Variants in DPYSL5 observed in about 807,000 individuals in gnomAD.
DPYSL5 encodes dihydropyrimidinase-related protein 5.
DPYSL5 carries 9 observed loss-of-function variants against 58.4 expected under a neutral mutation model. The observed-to-expected ratio is 0.15, with a 90% CI of 0.09 to 0.27. The LOEUF is 0.27. Ranked by LOEUF, DPYSL5 falls within the 10% of genes least tolerant of loss-of-function variation. DPYSL5 has a pLI of 1.00. For synonymous variants in DPYSL5, 293 were observed against 301.9 expected, an observed-to-expected ratio of 0.97 and a Z score of 0.31; for missense variants, 499 against 770.6, an observed-to-expected ratio of 0.65 and a Z score of 4.17.
intron 2 of DPYSL5, among the ~76,000 whole-genome samples, chr2:26,899,756 C>T (rs372810074): frequency 3.9e-5 from 6 of 152,178 alleles, no homozygotes; most frequent in Non-Finnish European, 8.8e-5. Context: ...AGCCATTGCC[C>T]GACTGTGCCA....
intron 9 of DPYSL5, among the ~76,000 whole-genome samples, chr2:26,940,458 T>C (rs959555702): frequency 1.3e-5 from 2 of 151,596 alleles, no homozygotes; most frequent in South Asian, 4.2e-4. Context: ...ACTATTAACA[T>C]TTTAATATAT....
At chr2:26,871,959 C>T (rs987876094) in intron 1 of DPYSL5, among the ~76,000 whole-genome samples, 1 of 152,158 alleles carries the variant, frequency 6.6e-6, no homozygotes, top group East Asian at 1.9e-4. Context: ...CTTGGTCTTT[C>T]CTTTGCTAAA....
At position 26,947,186 on chromosome 2, in the gene DPYSL5, T is replaced by C. The variant is rs538186644; in HGVS notation, c.*191T>C. On this transcript the variant is annotated 3_prime_UTR_variant, in exon 13 of 13. Transcript: ENST00000288699. This position sits in a 1 kb window ranked among gnomAD's most constrained non-coding sequence, Gnocchi z 4.2. ...TTCGAGCCAACTCTAACAGGCACTT[T>C]GAGATGTGTTCCTCCTGCTGTAGTC... 33 of 569,190 alleles carry C rather than the reference T, an allele frequency of 5.8e-5. 1 individual carries two copies. Among genetic ancestry groups the C allele is most frequent in the Non-Finnish European group, 9.8e-5 (31 of 315,446 alleles). 35.3% of individuals were successfully genotyped at this position (569,190 alleles called of 1,614,324 possible). A position where few individuals can be genotyped will look rare whatever the true frequency, so the allele number is the denominator to read the frequency against.
intron 12 of DPYSL5, among the ~76,000 whole-genome samples, chr2:26,945,758 G>T (rs116240744): frequency 6.6e-6 from 1 of 152,188 alleles, no homozygotes; most frequent in African/African-American, 2.4e-5. Flanking sequence ...GGCGAGAGGC[G>T]CAAGACCCTG....
chr2:26,853,094 G>A (rs1665796026), intron 1 of DPYSL5, among the ~76,000 whole-genome samples: 1 of 152,186 alleles, frequency 6.6e-6, no homozygotes, highest in African/African-American at 2.4e-5. Context: ...GCTCTCTGTG[G>A]AGTCTGTTTC....
chr2:26,879,573 T>C (rs541824572), intron 1 of DPYSL5, among the ~76,000 whole-genome samples: 1 of 152,112 alleles, frequency 6.6e-6, no homozygotes, highest in Non-Finnish European at 1.5e-5. Flanking sequence ...CTCCACGTCA[T>C]TATCTATCAA....
At chr2:26,866,202 C>G (rs1345287290) in intron 1 of DPYSL5, among the ~76,000 whole-genome samples, 1 of 152,158 alleles carries the variant, frequency 6.6e-6, no homozygotes, top group Non-Finnish European at 1.5e-5. Context: ...GCTTCTGAAC[C>G]CCACTGGCCT....
At chr2:26,908,817 A>G (rs146478964) in intron 2 of DPYSL5, among the ~76,000 whole-genome samples, 115 of 152,344 alleles carry the variant, frequency 7.5e-4, no homozygotes, top group African/African-American at 2.5e-3. Flanking sequence ...AGAAAAATAT[A>G]TACTGTATGT....
At chr2:26,868,213 A>G (rs1195350861) in intron 1 of DPYSL5, among the ~76,000 whole-genome samples, 1 of 152,174 alleles carries the variant, frequency 6.6e-6, no homozygotes, top group Non-Finnish European at 1.5e-5. Flanking sequence ...GTCTTTTTCC[A>G]ATCAATATGT....
intron 5 of DPYSL5, among the ~76,000 whole-genome samples, chr2:26,929,548 T>A (rs1664920119): frequency 6.6e-6 from 1 of 152,234 alleles, no homozygotes; most frequent in South Asian, 2.1e-4. Context: ...TGGAACAGTT[T>A]CATCCTGAAA....
chr2:26,855,055 T>TGATCCGCCCGCCTCAGCTTCCCA (rs1195861613), intron 1 of DPYSL5, among the ~76,000 whole-genome samples: 1 of 150,604 alleles, frequency 6.6e-6, no homozygotes, highest in Non-Finnish European at 1.5e-5. Context: ...TGGCCTCAGG[T>TGATCCGCCCGCCTCAGCTTCCCA]GATCCGCCCG....
chr2:26,904,192 G>A (rs1664233606), intron 2 of DPYSL5, among the ~76,000 whole-genome samples: 1 of 152,052 alleles, frequency 6.6e-6, no homozygotes, highest in Admixed American at 6.5e-5. Context: ...GCAGAGTTCT[G>A]GACCCCATCT....
At chr2:26,920,679 C>A (rs1175674795) in intron 2 of DPYSL5, among the ~76,000 whole-genome samples, 1 of 152,204 alleles carries the variant, frequency 6.6e-6, no homozygotes, top group Admixed American at 6.5e-5. Context: ...GCAGGAGAAT[C>A]ACTTGAACTC....
intron 1 of DPYSL5, among the ~76,000 whole-genome samples, chr2:26,866,074 CTAAATGAGAATTCAGAG>C (rs1178325720): frequency 6.6e-6 from 1 of 152,162 alleles, no homozygotes; most frequent in Non-Finnish European, 1.5e-5. Flanking sequence ...AGCATAGCCC[CTAAATGAGAATTCAGAG>C]TAAAGGCAGG....
At chr2:26,873,815 C>A (rs1166221205) in intron 1 of DPYSL5, among the ~76,000 whole-genome samples, 1 of 152,198 alleles carries the variant, frequency 6.6e-6, no homozygotes, top group Non-Finnish European at 1.5e-5. Flanking sequence ...CTTCTTTACT[C>A]GGTCTACTGA....
intron 1 of DPYSL5, among the ~76,000 whole-genome samples, chr2:26,882,008 G>A (rs1425016347): frequency 5.3e-5 from 8 of 149,968 alleles, no homozygotes; most frequent in South Asian, 2.1e-4. Context: ...GGAGAATGGC[G>A]TGAACGCGGG....
intron 1 of DPYSL5, among the ~76,000 whole-genome samples, chr2:26,862,772 G>C (rs1448713538): frequency 2.0e-5 from 3 of 152,194 alleles, no homozygotes; most frequent in African/African-American, 7.2e-5. Context: ...TGGGGCAGCT[G>C]TATTGACTAA....
chr2:26,890,249 G>A (rs964136974), intron 1 of DPYSL5, among the ~76,000 whole-genome samples: 4 of 152,274 alleles, frequency 2.6e-5, no homozygotes, highest in South Asian at 2.1e-4. Context: ...CTCTTGCTCC[G>A]CAGACTGAGT....
chr2:26,849,871 A>T lies in DPYSL5; in HGVS notation c.-5+1617A>T, dbSNP rs923298135. ...GGGGCCTGCAGACAGCCACCCCCCC[A>T]CTCCGGCTCGGGTGCCTTCTGGTGC... On this transcript the variant is annotated intron_variant, in intron 1 of 12. Coordinates refer to ENST00000288699, the MANE Select transcript of DPYSL5 (RefSeq NM_020134.4). The surrounding 1 kb of genome is among the most constrained non-coding windows in gnomAD (Gnocchi z 6.2). Among the ~76,000 whole-genome samples the T allele has an allele frequency of 6.6e-6, 1 of 151,934 alleles. No homozygotes were observed. Among genetic ancestry groups the T allele is most frequent in the Non-Finnish European group, 1.5e-5 (1 of 67,962 alleles).
Sources: allele counts gnomAD v4.1 joint callset (sites outside exome capture counted in the v4.1 genomes callset), GRCh38; gene constraint gnomAD v4.1.1; non-coding constraint Gnocchi (gnomAD v3.1); transcripts MANE v1.5; gene names NCBI Gene and HGNC (gene_info 2026-07-23, HGNC 2026-07-21).